DARS1: variants seen among roughly 807,000 people sequenced by gnomAD.
DARS1 encodes aspartyl-tRNA synthetase 1, also known as aspartate--tRNA ligase, cytoplasmic.
A neutral mutation model predicts 68.8 loss-of-function variants in DARS1; 51 were observed. The ratio of observed to expected loss-of-function variants is 0.74; its 90% CI spans 0.59 to 0.94. The LOEUF is 0.94. Among genes scored for constraint, DARS1 ranks in the 40% least tolerant of loss-of-function variants. The probability of loss-of-function intolerance (pLI) is 0.00; values close to 1 mark genes in which losing one functional copy is unlikely to be tolerated. For synonymous variants in DARS1, 203 were observed against 190.4 expected (o/e 1.07, Z -0.55); for missense variants, 607 against 597.3 (o/e 1.02, Z -0.17).
intron 2 of DARS1, among the ~76,000 whole-genome samples, chr2:135,982,702 G>A (rs1682665054): frequency 6.6e-6 from 1 of 151,988 alleles, no homozygotes; most frequent in Admixed American, 6.6e-5. Context: ...TTCATTCCCA[G>A]ACACTAAAGC....
In DARS1 at chr2:135,938,195, T is replaced by C. The variant is rs139063065; in HGVS notation, c.424-4205A>G. On this transcript the variant is annotated intron_variant, in intron 5 of 15. Coordinates refer to ENST00000264161, the MANE Select transcript of DARS1 (RefSeq NM_001349.4). ...GGAGGCTTTGTTCGTTTCTTTTTAC[T>C]CTTTTTTCTCTAAACTTCTCTTCTT... 2.0e-5 allele frequency among the ~76,000 whole-genome samples: 3 copies of C among 152,350 alleles called. No individual in the cohort carries two copies. In the East Asian group the frequency reaches 5.8e-4, roughly 29 times the overall value.
At chr2:135,939,085 C>T (rs1417037492) in intron 5 of DARS1, among the ~76,000 whole-genome samples, 5 of 152,284 alleles carry the variant, frequency 3.3e-5, no homozygotes, top group African/African-American at 1.2e-4. Flanking sequence ...CCACTGTCAA[C>T]ATTAGGCAGA....
At chr2:135,938,967 T>C (rs1415621051) in intron 5 of DARS1, among the ~76,000 whole-genome samples, 1 of 152,204 alleles carries the variant, frequency 6.6e-6, no homozygotes, top group Middle Eastern at 3.2e-3. Context: ...CTAACTATCC[T>C]AAATATATAT....
chr2:135,956,310 G>A (rs1303643903), intron 4 of DARS1, among the ~76,000 whole-genome samples: 1 of 152,158 alleles, frequency 6.6e-6, no homozygotes, highest in Non-Finnish European at 1.5e-5. Flanking sequence ...CCCAAAGATG[G>A]GAATATAGAG....
intron 4 of DARS1, among the ~76,000 whole-genome samples, chr2:135,947,097 T>C (rs1457657370): frequency 6.6e-6 from 1 of 152,042 alleles, no homozygotes; most frequent in Admixed American, 6.6e-5. Flanking sequence ...ACTTTTATTT[T>C]TATAGCTCAA....
chr2:135,924,427 G>C lies in DARS1; in HGVS notation c.636C>G (p.Asn212Lys), dbSNP rs755125445. 1 of 1,606,884 alleles carries C rather than the reference G, an allele frequency of 6.2e-7. No homozygotes were observed. Among genetic ancestry groups the C allele is most frequent in the South Asian group, 1.1e-5 (1 of 89,084 alleles). ...ICHLFRETLI[N>K]KGFVEIQTPK... ...GAGTTTGGATTTCCACAAAACCTTTGTTAATTAAAGTTTCTCGGAAGAGAT... is the reference window on the plus strand; with the variant it reads ...GAGTTTGGATTTCCACAAAACCTTTCTTAATTAAAGTTTCTCGGAAGAGAT... The change falls in exon 8 of 16, where the codon AAC (asparagine) becomes AAG (lysine). Residue 212 changes from asparagine (N) to lysine (K), a missense_variant. Coordinates refer to ENST00000264161, the MANE Select transcript of DARS1 (RefSeq NM_001349.4).
intron 5 of DARS1, among the ~76,000 whole-genome samples, chr2:135,937,463 T>C (rs1250608978): frequency 1.3e-5 from 2 of 152,244 alleles, no homozygotes; most frequent in Non-Finnish European, 2.9e-5. Context: ...AGGTACTATT[T>C]ATTTTGACTT....
intron 1 of DARS1, chr2:135,985,186 A>T: frequency 1.5e-6 from 1 of 674,466 alleles, no homozygotes; most frequent in Non-Finnish European, 2.3e-6. Context: ...CGCTTCTAGT[A>T]GGCCAAACTC....
At chr2:135,971,130 T>C (rs1374442646) in intron 3 of DARS1, among the ~76,000 whole-genome samples, 4 of 151,858 alleles carry the variant, frequency 2.6e-5, no homozygotes, top group African/African-American at 9.7e-5. Context: ...AAACCAAAGA[T>C]AGATCAGAAA....
At chr2:135,947,362 C>T (rs892573976) in intron 4 of DARS1, among the ~76,000 whole-genome samples, 44 of 149,250 alleles carry the variant, frequency 2.9e-4, no homozygotes, top group African/African-American at 1.0e-3. Flanking sequence ...GAGCAGAGAT[C>T]GTGCCACTGC....
intron 4 of DARS1, among the ~76,000 whole-genome samples, chr2:135,945,877 A>T (rs1681710364): frequency 6.6e-6 from 1 of 152,210 alleles, no homozygotes; most frequent in Non-Finnish European, 1.5e-5. Flanking sequence ...AACCCTTCCA[A>T]TCTCAGTATT....
chr2:135,941,921 G>C (rs1313611760), intron 5 of DARS1, among the ~76,000 whole-genome samples: 1 of 152,184 alleles, frequency 6.6e-6, no homozygotes, highest in Non-Finnish European at 1.5e-5. Flanking sequence ...ATCATCACTG[G>C]CCATCAGAGA....
chr2:135,947,281 C>T lies in DARS1; in HGVS notation c.321-3801G>A, dbSNP rs575145327. On this transcript the variant is annotated intron_variant, in intron 4 of 15. Transcript: ENST00000264161. ...AAATTAGCTGGGTGTGGTGGCGTGG[C>T]CCTGTAGCCCCAGCTACTCTGGAGG... is the stretch of plus-strand genomic sequence containing the variant. 4.6e-3 allele frequency among the ~76,000 whole-genome samples: 696 copies of T among 151,678 alleles called. 1 individual carries two copies. The highest frequency in any genetic ancestry group is 8.0e-3 in the Admixed American group (122 of 15,236).
chr2:135,911,607 CA>C (rs1680898247), intron 13 of DARS1, 114 bp from the exon 14 acceptor site: 2 of 649,256 alleles, frequency 3.1e-6, no homozygotes, highest in African/African-American at 3.7e-5. Context: ...CTACAATTAA[CA>C]ATGCAATCTT....
chr2:135,972,316 TA>T (rs1682388776), intron 3 of DARS1, among the ~76,000 whole-genome samples: 1 of 152,080 alleles, frequency 6.6e-6, no homozygotes, highest in Non-Finnish European at 1.5e-5. Flanking sequence ...AAGGTGCCAA[TA>T]ACATACATGG....
intron 5 of DARS1, among the ~76,000 whole-genome samples, chr2:135,936,344 C>G (rs1461000417): frequency 6.6e-6 from 1 of 152,050 alleles, no homozygotes; most frequent in Non-Finnish European, 1.5e-5. Flanking sequence ...TATCTTAAAA[C>G]TACATTTGCT....
chr2:135,941,004 T>C (rs925841654), intron 5 of DARS1, among the ~76,000 whole-genome samples: 2 of 151,930 alleles, frequency 1.3e-5, no homozygotes, highest in Non-Finnish European at 2.9e-5. Flanking sequence ...CTCAACAAAA[T>C]AAAAGAGGAC....
intron 1 of DARS1, chr2:135,985,032 T>G: frequency 3.7e-6 from 1 of 270,182 alleles, no homozygotes; most frequent in East Asian, 6.8e-5. Context: ...GCTGAGTACA[T>G]ATCGATTACT....
chr2:135,955,968 A>C (rs2104829388), intron 4 of DARS1, among the ~76,000 whole-genome samples: 1 of 152,184 alleles, frequency 6.6e-6, no homozygotes, highest in East Asian at 1.9e-4. Flanking sequence ...CATATGTTTC[A>C]ATTCTAAGGT....
Sources: gnomAD v4.1 joint callset for allele counts (sites outside exome capture counted in the v4.1 genomes callset) on GRCh38, gnomAD v4.1.1 for gene constraint, MANE v1.5 for transcripts, NCBI Gene and HGNC (gene_info 2026-07-23, HGNC 2026-07-21) for gene names.